NCALD: variants seen among roughly 807,000 people sequenced by gnomAD.
NCALD encodes neurocalcin-delta.
NCALD carries 10 observed loss-of-function variants against 18.6 expected under a neutral mutation model. That is an observed-to-expected ratio of 0.54 (90% CI 0.33 to 0.91). The LOEUF is 0.91. Ranked by LOEUF, NCALD falls within the 40% of genes least tolerant of loss-of-function variation. The pLI is 0.03. For synonymous variants in NCALD, 88 were observed against 87.4 expected, an observed-to-expected ratio of 1.01 and a Z score of -0.04; for missense variants, 184 against 247.6, an observed-to-expected ratio of 0.74 and a Z score of 1.72.
At chr8:102,000,078 G>C (rs1208764271) in intron 2 of NCALD, among the ~76,000 whole-genome samples, 1 of 152,228 alleles carries the variant, frequency 6.6e-6, no homozygotes, top group Non-Finnish European at 1.5e-5. Context: ...AGCCGAAGCA[G>C]GGCGAGGCAT....
chr8:101,891,367 G>T (rs564144492), intron 3 of NCALD, among the ~76,000 whole-genome samples: 131 of 152,278 alleles, frequency 8.6e-4, no homozygotes, highest in African/African-American at 3.0e-3. Flanking sequence ...CAATCATACA[G>T]TATGTGACAT....
At chr8:102,032,877 A>G (rs554536959) in intron 1 of NCALD, among the ~76,000 whole-genome samples, 7 of 152,230 alleles carry the variant, frequency 4.6e-5, no homozygotes, top group African/African-American at 1.7e-4. Context: ...CAATGAGTCT[A>G]TGTGTAGGCT....
intron 3 of NCALD, among the ~76,000 whole-genome samples, chr8:101,907,499 ATAAT>A (rs1416384933): frequency 3.3e-5 from 5 of 150,676 alleles, no homozygotes; most frequent in African/African-American, 1.2e-4. Flanking sequence ...ATTTTATTAA[ATAAT>A]TTAATAAATT....
intron 1 of NCALD, among the ~76,000 whole-genome samples, chr8:102,091,249 T>C (rs113071330): frequency 0.027 from 4,117 of 152,282 alleles, 180 homozygotes; most frequent in African/African-American, 0.091. Context: ...TCATGCCAAG[T>C]ATAATAAAGC....
chr8:101,846,305 T>G (rs918437814), intron 4 of NCALD, among the ~76,000 whole-genome samples: 3 of 152,252 alleles, frequency 2.0e-5, no homozygotes, highest in African/African-American at 7.2e-5. Context: ...ATACAAGAGT[T>G]CCCCTTTCTC....
At chr8:102,052,574 T>G (rs1823492312) in intron 1 of NCALD, among the ~76,000 whole-genome samples, 1 of 152,226 alleles carries the variant, frequency 6.6e-6, no homozygotes, top group African/African-American at 2.4e-5. Context: ...AGGAACTTTA[T>G]TTTCCTTAAA....
At chr8:101,693,886 C>CTTG (rs1814864019) in intron 2 of NCALD, 1 of 152,184 alleles carries the variant, frequency 6.6e-6, no homozygotes, top group Admixed American at 6.5e-5. Context: ...ATGGAAACCA[C>CTTG]CTGCCATCAG....
chr8:101,837,011 A>T (rs1201426356), intron 4 of NCALD, among the ~76,000 whole-genome samples: 1 of 152,168 alleles, frequency 6.6e-6, no homozygotes, highest in African/African-American at 2.4e-5. Context: ...TTTTAATGTA[A>T]CCTCTGACAG....
At chr8:101,696,456 G>A (rs554010993) in intron 2 of NCALD, among the ~76,000 whole-genome samples, 7 of 152,296 alleles carry the variant, frequency 4.6e-5, no homozygotes, top group East Asian at 1.9e-4. Context: ...GCACAAAGAC[G>A]TGAAGAAAGC....
chr8:101,890,968 T>C (rs1816852309), intron 3 of NCALD, among the ~76,000 whole-genome samples: 1 of 152,172 alleles, frequency 6.6e-6, no homozygotes, highest in Non-Finnish European at 1.5e-5. Flanking sequence ...TAACATGGAA[T>C]ATCGATAAAC....
chr8:101,785,715 G>C lies in NCALD; in HGVS notation c.-20+5147C>G, dbSNP rs560531361. 1.8e-4 allele frequency: 28 copies of C among 152,202 alleles called. 1 individual carries two copies. In the South Asian group the frequency reaches 4.4e-3, roughly 24 times the overall value. 9.4% of individuals were successfully genotyped at this position (152,202 alleles called of 1,614,324 possible). A position where few individuals can be genotyped will look rare whatever the true frequency, so the allele number is the denominator to read the frequency against. On this transcript the variant is annotated intron_variant, in intron 1 of 3. Transcript: ENST00000220931. ...AAAGACTCCTTTCATAAAATACAATGGTTTTCATTATTTGTATGAAACAGG... is the reference window on the plus strand; with the variant it reads ...AAAGACTCCTTTCATAAAATACAATCGTTTTCATTATTTGTATGAAACAGG...
chr8:101,802,219 G>T (rs568183562), intron 4 of NCALD, among the ~76,000 whole-genome samples: 1 of 152,126 alleles, frequency 6.6e-6, no homozygotes, highest in East Asian at 1.9e-4. Flanking sequence ...TTGCTTTGGG[G>T]CACCACAAAC....
At chr8:101,982,545 A>G (rs1820659424) in intron 2 of NCALD, among the ~76,000 whole-genome samples, 1 of 152,224 alleles carries the variant, frequency 6.6e-6, no homozygotes, top group Non-Finnish European at 1.5e-5. Context: ...TTTCTCATAC[A>G]TAAAAAATTC....
chr8:102,113,421 T>TG (rs1386866699), intron 1 of NCALD, among the ~76,000 whole-genome samples: 3 of 152,222 alleles, frequency 2.0e-5, no homozygotes, highest in Non-Finnish European at 4.4e-5. Flanking sequence ...GGTCTCTATC[T>TG]GATAAGAGGC....
intron 2 of NCALD, among the ~76,000 whole-genome samples, chr8:102,004,476 T>C (rs1462231026): frequency 6.6e-6 from 1 of 152,184 alleles, no homozygotes; most frequent in Non-Finnish European, 1.5e-5. Context: ...ATAGATTCAG[T>C]GCCATCCCCA....
chr8:101,846,656 G>A (rs2131312690), intron 4 of NCALD, among the ~76,000 whole-genome samples: 1 of 152,280 alleles, frequency 6.6e-6, no homozygotes, highest in Middle Eastern at 3.4e-3. Flanking sequence ...GAGCATGAGA[G>A]TCTAGAACTT....
At chr8:102,085,356 C>T (rs887339676) in intron 1 of NCALD, among the ~76,000 whole-genome samples, 3 of 152,214 alleles carry the variant, frequency 2.0e-5, no homozygotes, top group South Asian at 2.1e-4. Context: ...CCTCTCTAGA[C>T]AGTAAACTCC....
chr8:101,843,260 C>A (rs1230945646), intron 4 of NCALD, among the ~76,000 whole-genome samples: 1 of 152,194 alleles, frequency 6.6e-6, no homozygotes, highest in Non-Finnish European at 1.5e-5. Context: ...GAAGAGTACA[C>A]AATATCTACT....
chr8:101,793,955 T>C (rs1013913475), upstream of NCALD, among the ~76,000 whole-genome samples: 1 of 152,168 alleles, frequency 6.6e-6, no homozygotes, highest in Non-Finnish European at 1.5e-5. Flanking sequence ...TGTTTGTACA[T>C]AGGGATGTTG....
Sources: allele counts gnomAD v4.1 joint callset (sites outside exome capture counted in the v4.1 genomes callset), GRCh38; gene constraint gnomAD v4.1.1; transcripts MANE v1.5; gene names NCBI Gene and HGNC (gene_info 2026-07-23, HGNC 2026-07-21).